CPHXL2: variants seen among roughly 807,000 people sequenced by gnomAD.
The protein encoded by CPHXL2 is cytoplasmic polyadenylated homeobox-like protein 2.
the CPHXL2 span, chr16:75,676,863 C>G: frequency 7.5e-6 from 3 of 397,762 alleles, no homozygotes; most frequent in Non-Finnish European, 1.3e-5. Context: ...TGAATAATAT[C>G]AAACTGACTG....
chr16:75,669,822 G>C, the CPHXL2 span, among the ~76,000 whole-genome samples: 1 of 152,194 alleles, frequency 6.6e-6, no homozygotes, highest in Non-Finnish European at 1.5e-5. Context: ...CTTATGTCTT[G>C]TCTATGGCCG....
At chr16:75,664,953 A>G in the CPHXL2 span, among the ~76,000 whole-genome samples, 1 of 152,154 alleles carries the variant, frequency 6.6e-6, no homozygotes, top group East Asian at 1.9e-4. Context: ...CTCCCTAACT[A>G]TAAGAAATAA....
At chr16:75,666,639 A>T in the CPHXL2 span, among the ~76,000 whole-genome samples, 1 of 150,362 alleles carries the variant, frequency 6.7e-6, no homozygotes, top group African/African-American at 2.4e-5. Context: ...AAAATGGAGG[A>T]CATCAATACT....
the CPHXL2 span, among the ~76,000 whole-genome samples, chr16:75,668,215 A>G: frequency 4.4e-5 from 6 of 136,388 alleles, no homozygotes; most frequent in African/African-American, 9.2e-5. Context: ...CTCTCTCTCT[A>G]TATATATACA....
At chr16:75,670,620 C>T in the CPHXL2 span, among the ~76,000 whole-genome samples, 32 of 152,024 alleles carry the variant, frequency 2.1e-4, no homozygotes, top group South Asian at 5.4e-3. Flanking sequence ...GCGATTCTTG[C>T]GCCTCAGCCT....
chr16:75,667,482 G>C, the CPHXL2 span, among the ~76,000 whole-genome samples: 1 of 151,992 alleles, frequency 6.6e-6, no homozygotes, highest in Non-Finnish European at 1.5e-5. Context: ...ACAGAACACA[G>C]AGAGCAAGGG....
the CPHXL2 span, among the ~76,000 whole-genome samples, chr16:75,669,205 A>G: frequency 2.6e-5 from 4 of 152,006 alleles, no homozygotes; most frequent in East Asian, 7.8e-4. Context: ...TTGCTACTAA[A>G]TGGGGAGCGC....
chr16:75,666,014 A>T, the CPHXL2 span, among the ~76,000 whole-genome samples: 2 of 152,224 alleles, frequency 1.3e-5, no homozygotes, highest in Non-Finnish European at 2.9e-5. Context: ...CTCACCAATC[A>T]CATATCTGCT....
At chr16:75,672,850 C>T in the CPHXL2 span, among the ~76,000 whole-genome samples, 4 of 151,932 alleles carry the variant, frequency 2.6e-5, no homozygotes, top group South Asian at 8.3e-4. Context: ...GCCTGGAGTT[C>T]CAGACCAGCC....
the CPHXL2 span, among the ~76,000 whole-genome samples, chr16:75,675,629 C>T: frequency 6.6e-6 from 1 of 152,192 alleles, no homozygotes; most frequent in Non-Finnish European, 1.5e-5. Flanking sequence ...AGTTCTGGGG[C>T]TACTCCCAGG....
At chr16:75,665,644 C>G in the CPHXL2 span, among the ~76,000 whole-genome samples, 2 of 152,180 alleles carry the variant, frequency 1.3e-5, no homozygotes, top group Non-Finnish European at 2.9e-5. Flanking sequence ...GGGTGGATCA[C>G]TTGAGGTCAA....
chr16:75,666,816 A>G, the CPHXL2 span, among the ~76,000 whole-genome samples: 2 of 152,138 alleles, frequency 1.3e-5, no homozygotes, highest in African/African-American at 4.8e-5. Context: ...TCCAAGATAG[A>G]CCATATGATA....
chr16:75,667,537 A>C, the CPHXL2 span, among the ~76,000 whole-genome samples: 1 of 152,162 alleles, frequency 6.6e-6, no homozygotes, highest in Non-Finnish European at 1.5e-5. Context: ...AGTTCAATCA[A>C]TTTTTATAGT....
the CPHXL2 span, among the ~76,000 whole-genome samples, chr16:75,668,478 T>C: frequency 2.0e-5 from 3 of 152,164 alleles, no homozygotes; most frequent in Non-Finnish European, 2.9e-5. Flanking sequence ...TCGCCCACTG[T>C]GGCCTCCCAA....
the CPHXL2 span, among the ~76,000 whole-genome samples, chr16:75,669,850 C>T: frequency 3.3e-5 from 5 of 152,300 alleles, no homozygotes; most frequent in South Asian, 2.1e-4. Flanking sequence ...GCCACAATAG[C>T]GGAATCGGTA....
At chr16:75,675,959 A>AAGGG in the CPHXL2 span, among the ~76,000 whole-genome samples, 1 of 152,032 alleles carries the variant, frequency 6.6e-6, no homozygotes, top group Non-Finnish European at 1.5e-5. Context: ...GGCGTCTGTA[A>AAGGG]TCCCAGCTAC....
chr16:75,673,544 G>T, the CPHXL2 span, among the ~76,000 whole-genome samples: 8 of 152,158 alleles, frequency 5.3e-5, no homozygotes, highest in Admixed American at 4.6e-4. Flanking sequence ...CTACCTGAAA[G>T]GTCCAGAAGC....
At chr16:75,676,377 G>A in the CPHXL2 span, among the ~76,000 whole-genome samples, 2 of 152,174 alleles carry the variant, frequency 1.3e-5, no homozygotes, top group African/African-American at 4.8e-5. Context: ...AGGCTGGAGT[G>A]CAGTGGCATG....
chr16:75,666,078 G>A, the CPHXL2 span, among the ~76,000 whole-genome samples: 1 of 152,082 alleles, frequency 6.6e-6, no homozygotes, highest in South Asian at 2.1e-4. Flanking sequence ...TAAGGTAAAG[G>A]GGTGAAAAAG....
Sources: allele counts gnomAD v4.1 joint callset (sites outside exome capture counted in the v4.1 genomes callset), GRCh38; gene constraint gnomAD v4.1.1; transcripts MANE v1.5; gene names NCBI Gene and HGNC (gene_info 2026-07-23, HGNC 2026-07-21).